LDB2: variants seen among roughly 807,000 people sequenced by gnomAD.
The protein encoded by LDB2 is LIM domain-binding protein 2.
A neutral mutation model predicts 44.3 loss-of-function variants in LDB2; 12 were observed. The observed-to-expected ratio is 0.27, with a 90% confidence interval of 0.17 to 0.44. The LOEUF (loss-of-function observed/expected upper bound fraction) is 0.44, where lower values mean the gene tolerates loss of function less well. LDB2 is among the 20% of genes least tolerant of loss of function. LDB2 has a pLI of 1.00. For missense variants in LDB2, 344 were observed against 473.5 expected, an observed-to-expected ratio of 0.73 and a Z score of 2.54; for synonymous variants, 164 against 174.8, an observed-to-expected ratio of 0.94 and a Z score of 0.49.
rs113500849 is a variant in LDB2, at chr4:16,808,404, G to A, written c.133-49144C>T. On this transcript the variant is annotated intron_variant, in intron 1 of 7. Coordinates refer to ENST00000304523, the MANE Select transcript of LDB2 (RefSeq NM_001290.5). ...CCTCAGACAAATGGAGCTTCAGGCA[G>A]ATTTTAGTAATGACCAGTGGAGGCT... is the stretch of plus-strand genomic sequence containing the variant. Among the ~76,000 whole-genome samples, 382 of 152,332 alleles carry A rather than the reference G, an allele frequency of 2.5e-3. 3 individuals carry two copies. Among genetic ancestry groups the A allele is most frequent in the African/African-American group, 8.5e-3 (355 of 41,586 alleles).
At chr4:16,690,769 A>G (rs1020844407) in intron 2 of LDB2, among the ~76,000 whole-genome samples, 3 of 152,138 alleles carry the variant, frequency 2.0e-5, no homozygotes, top group African/African-American at 4.8e-5. Flanking sequence ...ATGAGGTGGG[A>G]AAGAGACAAA....
intron 2 of LDB2, among the ~76,000 whole-genome samples, chr4:16,740,703 A>G (rs891170741): frequency 6.6e-6 from 1 of 152,242 alleles, no homozygotes; most frequent in Non-Finnish European, 1.5e-5. Context: ...ATGTATATGA[A>G]TATACATTTT....
At chr4:16,822,019 T>G (rs1374291298) in intron 1 of LDB2, among the ~76,000 whole-genome samples, 1 of 152,030 alleles carries the variant, frequency 6.6e-6, no homozygotes, top group African/African-American at 2.4e-5. Context: ...CAGAGAGACC[T>G]AGACTCATAT....
intron 2 of LDB2, among the ~76,000 whole-genome samples, chr4:16,636,104 C>G (rs1374099477): frequency 6.6e-6 from 1 of 152,200 alleles, no homozygotes; most frequent in Non-Finnish European, 1.5e-5. Flanking sequence ...AACACCACCA[C>G]AAATTACTAA....
intron 1 of LDB2, among the ~76,000 whole-genome samples, chr4:16,806,781 C>T (rs940109544): frequency 6.6e-6 from 1 of 151,816 alleles, no homozygotes; most frequent in Non-Finnish European, 1.5e-5. Flanking sequence ...GGACAGACTG[C>T]CTGGGTTGTA....
intron 1 of LDB2, among the ~76,000 whole-genome samples, chr4:16,822,065 G>A (rs1414776089): frequency 6.6e-6 from 1 of 151,256 alleles, no homozygotes; most frequent in East Asian, 2.0e-4. Flanking sequence ...TCACCTCAAG[G>A]TCTCATTTGT....
chr4:16,560,880 G>A (rs1296931870), intron 5 of LDB2, among the ~76,000 whole-genome samples: 1 of 152,066 alleles, frequency 6.6e-6, no homozygotes, highest in African/African-American at 2.4e-5. Context: ...TGATCAAGTG[G>A]GCTTCATCCC....
intron 2 of LDB2, among the ~76,000 whole-genome samples, chr4:16,714,630 G>T (rs910209040): frequency 6.6e-6 from 1 of 152,058 alleles, no homozygotes; most frequent in Non-Finnish European, 1.5e-5. Context: ...ATTACAAATG[G>T]GGTGACTTAA....
At position 16,687,953 on chromosome 4, in the gene LDB2, T is replaced by A. The variant is rs1578787285; in HGVS notation, c.235+71205A>T. 5.9e-5 allele frequency among the ~76,000 whole-genome samples: 9 copies of A among 152,298 alleles called. No homozygotes were observed. In the South Asian group the frequency reaches 1.9e-3, roughly 32 times the overall value. The stretch of plus-strand genomic sequence containing the variant: ...CATTGCCTACAGTGATTCAGAAAAG[T>A]AGTATCCCACTTGTTCAGCACCTAA... On this transcript the variant is annotated intron_variant, in intron 2 of 7. Coordinates refer to ENST00000304523, the MANE Select transcript of LDB2 (RefSeq NM_001290.5).
chr4:16,802,779 T>C (rs549281864), intron 1 of LDB2, among the ~76,000 whole-genome samples: 42 of 152,134 alleles, frequency 2.8e-4, no homozygotes, highest in Non-Finnish European at 4.6e-4. Flanking sequence ...TGAGGCAGGC[T>C]TGGGACACCA....
chr4:16,554,345 C>G (rs191104305), intron 5 of LDB2, among the ~76,000 whole-genome samples: 1 of 152,148 alleles, frequency 6.6e-6, no homozygotes, highest in African/African-American at 2.4e-5. Context: ...CCACTGCGCC[C>G]GGCCAGCCGA....
intron 1 of LDB2, among the ~76,000 whole-genome samples, chr4:16,845,261 T>C (rs796782660): frequency 3.0e-4 from 45 of 152,332 alleles, no homozygotes; most frequent in African/African-American, 1.0e-3. Flanking sequence ...AGCCTCCTTA[T>C]TAAAGAGCCG....
intron 1 of LDB2, among the ~76,000 whole-genome samples, chr4:16,795,192 C>T (rs1272441157): frequency 6.6e-6 from 1 of 152,102 alleles, no homozygotes; most frequent in African/African-American, 2.4e-5. Flanking sequence ...AAGATTCTTC[C>T]AGAAACACCT....
intron 5 of LDB2, among the ~76,000 whole-genome samples, chr4:16,519,843 C>T (rs1041245508): frequency 6.6e-6 from 1 of 151,984 alleles, no homozygotes; most frequent in Admixed American, 6.5e-5. Flanking sequence ...TAGGTCAGCA[C>T]GCAAAAGATG....
At chr4:16,896,393 C>T (rs771564739) in intron 1 of LDB2, among the ~76,000 whole-genome samples, 6 of 151,952 alleles carry the variant, frequency 3.9e-5, no homozygotes, top group Admixed American at 6.6e-5. Context: ...AAACCTGGGA[C>T]CATATTGAAT....
intron 2 of LDB2, among the ~76,000 whole-genome samples, chr4:16,616,109 T>C (rs545458385): frequency 7.9e-4 from 121 of 152,320 alleles, no homozygotes; most frequent in Admixed American, 1.7e-3. Flanking sequence ...ACTCACATTA[T>C]ATACTAGTTA....
At chr4:16,872,384 T>C (rs1033110901) in intron 1 of LDB2, among the ~76,000 whole-genome samples, 1 of 152,186 alleles carries the variant, frequency 6.6e-6, no homozygotes, top group Non-Finnish European at 1.5e-5. Flanking sequence ...CATTCATCCA[T>C]AACATGAGTT....
chr4:16,728,259 T>C (rs987266781), intron 2 of LDB2, among the ~76,000 whole-genome samples: 5 of 152,058 alleles, frequency 3.3e-5, no homozygotes, highest in Non-Finnish European at 7.4e-5. Context: ...GAAGAGTAAA[T>C]CCTTCATGCA....
At chr4:16,726,647 C>T (rs533428095) in intron 2 of LDB2, 5 of 152,060 alleles carry the variant, frequency 3.3e-5, no homozygotes, top group African/African-American at 9.7e-5. Flanking sequence ...CCACCTTAGC[C>T]GAATCACAAT....
Sources: allele counts gnomAD v4.1 joint callset (sites outside exome capture counted in the v4.1 genomes callset), GRCh38; gene constraint gnomAD v4.1.1; transcripts MANE v1.5; gene names NCBI Gene and HGNC (gene_info 2026-07-23, HGNC 2026-07-21).